THBS2: variants seen among roughly 807,000 people sequenced by gnomAD.
THBS2 encodes the protein thrombospondin-2.
THBS2 carries 47 observed loss-of-function variants against 135.2 expected under a neutral mutation model. The observed-to-expected ratio is 0.35, with a 90% CI of 0.28 to 0.44. The LOEUF is 0.44. Ranked by LOEUF, THBS2 falls within the 20% of genes least tolerant of loss-of-function variation. The pLI is 1.00. For missense variants in THBS2, 1,288 were observed against 1,603.1 expected, an observed-to-expected ratio of 0.80 and a Z score of 3.36; for synonymous variants, 639 against 633.8, an observed-to-expected ratio of 1.01 and a Z score of -0.12.
intron 12 of THBS2, 54 bp from the exon 13 acceptor site, chr6:169,232,252 G>A: frequency 6.3e-7 from 1 of 1,591,842 alleles, no homozygotes; most frequent in Non-Finnish European, 8.6e-7. Context: ...GGCTCCGGAG[G>A]CGTCGAGGCG....
chr6:169,242,624 C>T (rs1583418360), intron 4 of THBS2, among the ~76,000 whole-genome samples: 3 of 70,546 alleles, frequency 4.3e-5, no homozygotes, highest in South Asian at 6.2e-4. Context: ...ACCGCTCCCA[C>T]CTTCCCACCA....
In THBS2 at chr6:169,227,703, TATA is replaced by T. The variant is rs1485462640; in HGVS notation, c.2419+416_2419+418del. On this transcript the variant is annotated intron_variant, in intron 15 of 21. Transcript: ENST00000617924. ...AATAACTGAATGAATCATTTAATCT[TATA>T]GTAGTGTAAAAATGAAAGGAGCTTA... Among the ~76,000 whole-genome samples, 11 of 152,186 alleles carry T rather than the reference TATA, an allele frequency of 7.2e-5. No individual in the cohort carries two copies. The East Asian group carries it at 2.1e-3, about 29-fold the overall frequency.
intron 14 of THBS2, 99 bp from the exon 15 acceptor site, chr6:169,228,380 C>A: frequency 7.0e-7 from 1 of 1,422,116 alleles, no homozygotes; most frequent in Non-Finnish European, 9.5e-7. Context: ...TGATGAAAAT[C>A]AATATAGAAA....
At chr6:169,240,343 GA>G in intron 6 of THBS2, 108 bp downstream of exon 6, 1 of 1,436,918 alleles carries the variant, frequency 7.0e-7, no homozygotes, top group Non-Finnish European at 9.4e-7. Context: ...TCACATAGCT[GA>G]ACCGGTTTCA....
intron 4 of THBS2, among the ~76,000 whole-genome samples, chr6:169,242,875 TCCCACCAC>T: frequency 1.1e-5 from 1 of 87,794 alleles, no homozygotes. Flanking sequence ...CTTCCCACCT[TCCCACCAC>T]TCCCACCTTC....
chr6:169,234,865 G>A lies in THBS2; in HGVS notation c.1520C>T (p.Thr507Ile). ...WSPWSPWSAC[T>I]VTCAGGIRER... Reference sequence around the variant, plus strand: ...CCGGATCCCACCGGCACAGGTGACAGTGCAGGCCGACCACGGGGACCAGGG... The same window carrying A: ...CCGGATCCCACCGGCACAGGTGACAATGCAGGCCGACCACGGGGACCAGGG... The change falls in exon 10 of 22, where the codon ACT becomes ATT. Residue 507 changes from threonine to isoleucine, a missense_variant. Thr to Ile is a moderately conservative substitution (Grantham distance 89, BLOSUM62 -1). Around this residue, in one of 2 missense-constraint regions of THBS2, gnomAD observed 874 missense variants for 1,156.1 expected, o/e 0.76. Coordinates refer to ENST00000617924, the MANE Select transcript of THBS2 (RefSeq NM_003247.5). The A allele has an allele frequency of 1.2e-6, 2 of 1,612,428 alleles. No homozygotes were observed. The highest frequency in any genetic ancestry group is 1.7e-6 in the Non-Finnish European group (2 of 1,179,298).
At chr6:169,249,388 T>C (rs774700476) in intron 2 of THBS2, among the ~76,000 whole-genome samples, 2 of 152,182 alleles carry the variant, frequency 1.3e-5, no homozygotes, top group African/African-American at 2.4e-5. Context: ...GGCTCTTCCA[T>C]CTCAGATCTG....
Position 169,216,915 on chromosome 6 carries a change from C to G in THBS2, c.*907G>C, listed in dbSNP as rs774950340. ...GTCCGCAGTTACCAAAGCCTAGATA[C>G]GCGTTAGATGCGCCTTTTCCGGCCT... On this transcript the variant is annotated 3_prime_UTR_variant, in exon 22 of 22. Coordinates refer to ENST00000617924, the MANE Select transcript of THBS2 (RefSeq NM_003247.5). 6.6e-6 allele frequency: 1 copy of G among 152,230 alleles called. No homozygotes were observed. The highest frequency in any genetic ancestry group is 1.5e-5 in the Non-Finnish European group (1 of 68,040). The allele number at this position is 152,230 out of a possible 1,614,324, so 9.4% of individuals were successfully genotyped here.
Position 169,217,575 on chromosome 6 carries a change from A to AAAG in THBS2, c.*244_*246dup. The AAAG allele has an allele frequency of 2.1e-6, 1 of 468,586 alleles. No homozygotes were observed. The highest frequency in any genetic ancestry group is 3.8e-6 in the Non-Finnish European group (1 of 260,340). 29.0% of individuals were successfully genotyped at this position (468,586 alleles called of 1,614,324 possible). On this transcript the variant is annotated 3_prime_UTR_variant, in exon 22 of 22. Transcript: ENST00000617924. ...GGCATGCCCAATTTTCACTCCACAT[A>AAAG]AAGTCTCATATATCACCAAACTGGT... is the stretch of plus-strand genomic sequence containing the variant.
chr6:169,224,310 C>A (rs998322455), intron 17 of THBS2, among the ~76,000 whole-genome samples: 5 of 152,224 alleles, frequency 3.3e-5, no homozygotes, highest in Non-Finnish European at 7.3e-5. Flanking sequence ...CCCAGTCCCT[C>A]CCTGGGGAAA....
At chr6:169,231,943 C>T (rs779481684) in intron 13 of THBS2, 37 bp downstream of exon 13, 4 of 1,605,882 alleles carry the variant, frequency 2.5e-6, no homozygotes, top group Non-Finnish European at 3.4e-6. Flanking sequence ...GGGCTGACCG[C>T]CGTGGCCCCG....
At chr6:169,223,526 C>T (rs576843024) in intron 17 of THBS2, 51 bp from the exon 18 acceptor site, 19 of 1,528,538 alleles carry the variant, frequency 1.2e-5, no homozygotes, top group Non-Finnish European at 1.7e-5. Flanking sequence ...GAAGCAAAGT[C>T]GGTGGTCGGT....
At chr6:169,218,662 T>C (rs1407006129) in intron 21 of THBS2, among the ~76,000 whole-genome samples, 1 of 88,936 alleles carries the variant, frequency 1.1e-5, no homozygotes, top group Non-Finnish European at 2.5e-5. Context: ...ATGGATGAGA[T>C]GGATGGGCGG....
intron 13 of THBS2, among the ~76,000 whole-genome samples, chr6:169,230,346 T>G (rs1453297058): frequency 6.6e-6 from 1 of 152,090 alleles, no homozygotes; most frequent in Non-Finnish European, 1.5e-5. Context: ...TCAGTTTCAG[T>G]ACAAGAGCCC....
At chr6:169,235,198 T>C (rs1779991619) in intron 9 of THBS2, among the ~76,000 whole-genome samples, 1 of 152,172 alleles carries the variant, frequency 6.6e-6, no homozygotes, top group Admixed American at 6.5e-5. Context: ...ATAAAAGAAT[T>C]TTTTTAATAG....
chr6:169,228,801 G>A (rs1779728404), intron 14 of THBS2, among the ~76,000 whole-genome samples: 1 of 151,680 alleles, frequency 6.6e-6, no homozygotes, highest in South Asian at 2.1e-4. Context: ...GTGTGCGCCT[G>A]TAATGCCAGT....
intron 16 of THBS2, 83 bp downstream of exon 16, chr6:169,226,097 T>A: frequency 7.0e-7 from 1 of 1,435,118 alleles, no homozygotes; most frequent in Non-Finnish European, 9.7e-7. Context: ...GGGGCAGTTG[T>A]CACAGTGATC....
At chr6:169,231,925 CAGG>C (rs1779850054) in intron 13 of THBS2, 52 bp downstream of exon 13, 1 of 1,591,038 alleles carries the variant, frequency 6.3e-7, no homozygotes, top group Non-Finnish European at 8.6e-7. Context: ...TCCCCGGCGC[CAGG>C]AGGAGGGCTG....
At chr6:169,236,182 CCCCATCCACACTCATTGCCCCATAAACA>C (rs1780051984) in intron 9 of THBS2, among the ~76,000 whole-genome samples, 1 of 106,452 alleles carries the variant, frequency 9.4e-6, no homozygotes, top group Non-Finnish European at 2.0e-5. Flanking sequence ...CACACTCATT[CCCCATCCACACTCATTGCCCCATAAACA>C]CCATCCACAC....
Sources: gnomAD v4.1 joint callset for allele counts (sites outside exome capture counted in the v4.1 genomes callset) on GRCh38, gnomAD v4.1.1 for gene constraint, gnomAD v4.1.1 regional missense constraint, MANE v1.5 for transcripts, NCBI Gene and HGNC (gene_info 2026-07-23, HGNC 2026-07-21) for gene names.